ZDHHC5: variants seen among roughly 807,000 people sequenced by gnomAD.
The protein encoded by ZDHHC5 is zDHHC palmitoyltransferase 5.
ZDHHC5 carries 22 observed loss-of-function variants against 70.0 expected under a neutral mutation model. The ratio of observed to expected loss-of-function variants is 0.31; its 90% confidence interval spans 0.22 to 0.45. The LOEUF is 0.45. Ranked by LOEUF, ZDHHC5 falls within the 20% of genes least tolerant of loss-of-function variation. The pLI is 1.00. For synonymous variants in ZDHHC5, 313 were observed against 347.8 expected (o/e 0.90, Z 1.11); for missense variants, 746 against 926.9 (o/e 0.80, Z 2.53).
At chr11:57,685,801 G>A (rs1418852380) in intron 3 of ZDHHC5, among the ~76,000 whole-genome samples, 1 of 152,162 alleles carries the variant, frequency 6.6e-6, no homozygotes, top group Non-Finnish European at 1.5e-5. Context: ...GCCCAGGTGA[G>A]TGGATCACCT....
rs983176652 is a variant in ZDHHC5, at chr11:57,699,984, A to C, written c.2101A>C (p.Lys701Gln). The part of the protein sequence containing the change: ...PLSSPTRGGV[K>Q]KVSGVGGTTY... ...CAGTAGCCCCACGAGGGGAGGAGTC[A>C]AGAAGGTGTCAGGGGTTGGTGGTAC... is the stretch of plus-strand genomic sequence containing the variant. Residue 701 changes from lysine (K) to glutamine (Q), a missense_variant, in exon 12 of 12, where the codon AAG (lysine) becomes CAG (glutamine). Transcript: ENST00000287169. The C allele has an allele frequency of 5.0e-6, 8 of 1,612,312 alleles. No individual in the cohort carries two copies. Among genetic ancestry groups the C allele is most frequent in the Non-Finnish European group, 6.8e-6 (8 of 1,179,198 alleles).
intron 2 of ZDHHC5, among the ~76,000 whole-genome samples, chr11:57,676,591 T>C (rs1311556931): frequency 6.6e-6 from 1 of 152,132 alleles, no homozygotes. Flanking sequence ...AGTGAGAACG[T>C]TGACCTACAG....
At chr11:57,683,972 ATTTT>A (rs11435194) in intron 3 of ZDHHC5, among the ~76,000 whole-genome samples, 2 of 135,860 alleles carry the variant, frequency 1.5e-5, no homozygotes, top group Admixed American at 1.5e-4. Context: ...CTAATAATTA[ATTTT>A]TTTTTTTTTT....
chr11:57,696,064 C>A (rs1233159031), intron 9 of ZDHHC5, 21 bp downstream of exon 9: 4 of 1,602,574 alleles, frequency 2.5e-6, no homozygotes, highest in Non-Finnish European at 3.4e-6. Flanking sequence ...CCTTGATTTG[C>A]AAGATACTAG....
In ZDHHC5 at chr11:57,673,163, G is replaced by A. The variant is rs964246743; in HGVS notation, c.73G>A (p.Val25Met). The change falls in exon 2 of 12, where the codon GTG (valine) becomes ATG (methionine). Residue 25 changes from valine (V) to methionine (M), a missense_variant. Val to Met is a conservative substitution (Grantham distance 21). Transcript: ENST00000287169. Reference sequence around the variant, plus strand: ...GGTCTCTGCAGCCGCCATCTTCCTAGTGGGAGCTACGACACTCTTCTTTGC... The same window carrying A: ...GGTCTCTGCAGCCGCCATCTTCCTAATGGGAGCTACGACACTCTTCTTTGC... ...VPVSAAAIFLVGATTLFFAFT... is the reference protein window; with the variant it reads ...VPVSAAAIFLMGATTLFFAFT... 5.6e-6 allele frequency: 9 copies of A among 1,613,810 alleles called. No homozygotes were observed. Among genetic ancestry groups the A allele is most frequent in the Admixed American group, 1.7e-5 (1 of 59,994 alleles).
intron 4 of ZDHHC5, 100 bp downstream of exon 4, chr11:57,688,765 C>G (rs1946244073): frequency 1.5e-6 from 2 of 1,344,604 alleles, no homozygotes; most frequent in Non-Finnish European, 2.0e-6. Flanking sequence ...ATAGTCCTGT[C>G]TAACTACGTT....
intron 4 of ZDHHC5, among the ~76,000 whole-genome samples, chr11:57,689,453 C>G (rs1946252615): frequency 6.6e-6 from 1 of 151,982 alleles, no homozygotes; most frequent in Non-Finnish European, 1.5e-5. Flanking sequence ...TCTCGGCTCA[C>G]TGCATCCTCC....
At chr11:57,684,978 C>G (rs1032989855) in intron 3 of ZDHHC5, among the ~76,000 whole-genome samples, 4 of 152,034 alleles carry the variant, frequency 2.6e-5, no homozygotes, top group African/African-American at 9.7e-5. Flanking sequence ...AAAACCCTGT[C>G]TTTACTGAAA....
chr11:57,670,297 C>G (rs1945988380), intron 1 of ZDHHC5, among the ~76,000 whole-genome samples: 1 of 151,908 alleles, frequency 6.6e-6, no homozygotes, highest in Non-Finnish European at 1.5e-5. Flanking sequence ...CATGGTGAAA[C>G]CCCATCTCTA....
Position 57,699,340 on chromosome 11 carries a change from T to C in ZDHHC5, c.1904T>C (p.Met635Thr). 1.2e-6 allele frequency: 2 copies of C among 1,612,544 alleles called. No homozygotes were observed. The highest frequency in any genetic ancestry group is 1.7e-6 in the Non-Finnish European group (2 of 1,178,974). ...ACAGCCCCATACCTGGGCCGATCGATGTCTTACAGCAGCCAAAAAGCCCAA... is the reference window on the plus strand; with the variant it reads ...ACAGCCCCATACCTGGGCCGATCGACGTCTTACAGCAGCCAAAAAGCCCAA... ...GPTAPYLGRS[M>T]SYSSQKAQPG... The change falls in exon 11 of 12, where the codon ATG becomes ACG. Residue 635 changes from methionine (M) to threonine (T), a missense_variant. This residue lies in a region of ZDHHC5 where 340 missense variants were observed against 350.1 expected (regional missense o/e 0.97). Transcript: ENST00000287169.
At chr11:57,681,581 C>T (rs563987329) in intron 2 of ZDHHC5, 1 of 152,300 alleles carries the variant, frequency 6.6e-6, no homozygotes, top group East Asian at 1.9e-4. Flanking sequence ...TTGAAGCATT[C>T]CTACGTAGAT....
At chr11:57,692,384 A>ATCACTC (rs1340620156) in intron 6 of ZDHHC5, among the ~76,000 whole-genome samples, 1 of 152,158 alleles carries the variant, frequency 6.6e-6, no homozygotes, top group Non-Finnish European at 1.5e-5. Context: ...TTACATGAGG[A>ATCACTC]AACTGAGGTT....
At position 57,699,937 on chromosome 11, in the gene ZDHHC5, C is replaced by T. The variant is rs1167449742; in HGVS notation, c.2054C>T (p.Pro685Leu). The T allele has an allele frequency of 6.2e-7, 1 of 1,614,254 alleles. No individual in the cohort carries two copies. Among genetic ancestry groups the T allele is most frequent in the Non-Finnish European group, 8.5e-7 (1 of 1,180,038 alleles). Residue 685 changes from proline to leucine, a missense_variant, in exon 12 of 12, where the codon CCT becomes CTT. Pro to Leu is a moderately conservative substitution (Grantham distance 98). Around this residue, in one of 6 missense-constraint regions of ZDHHC5, gnomAD observed 340 missense variants for 350.1 expected, o/e 0.97. Transcript: ENST00000287169. ...GQPKSLGSAS[P>L]GPGQPPLSSP... ...CCCAAGAGCTTAGGCTCAGCCTCCC[C>T]TGGCCCAGGCCAGCCACCTCTCAGT...
At chr11:57,698,534 G>A (rs1207068314) in intron 10 of ZDHHC5, 25 bp from the exon 11 acceptor site, 2 of 1,565,776 alleles carry the variant, frequency 1.3e-6, no homozygotes, top group South Asian at 1.2e-5. Flanking sequence ...GGAGCACTAA[G>A]AGCCTGCTTT....
intron 3 of ZDHHC5, among the ~76,000 whole-genome samples, chr11:57,686,693 C>T (rs1473802812): frequency 6.6e-6 from 1 of 152,156 alleles, no homozygotes; most frequent in Non-Finnish European, 1.5e-5. Flanking sequence ...AAAGGCAAAA[C>T]ATTACCTATA....
chr11:57,671,964 G>A (rs1946012236), intron 1 of ZDHHC5, 57 bp from the exon 2 acceptor site: 1 of 326,998 alleles, frequency 3.1e-6, no homozygotes, highest in South Asian at 1.6e-4. Context: ...TTTTAGCCTT[G>A]GTGTCTAAGA....
chr11:57,671,742 C>G (rs1462162458), intron 1 of ZDHHC5, among the ~76,000 whole-genome samples: 6 of 152,218 alleles, frequency 3.9e-5, no homozygotes, highest in Admixed American at 3.3e-4. Flanking sequence ...TTACTACCAT[C>G]TATGTCAGGT....
chr11:57,684,332 C>T (rs997500777), intron 3 of ZDHHC5, among the ~76,000 whole-genome samples: 3 of 152,148 alleles, frequency 2.0e-5, no homozygotes, highest in Admixed American at 2.0e-4. Flanking sequence ...GCCTGTAATC[C>T]CAGCACTTTG....
chr11:57,699,485 C>T (rs775711058), intron 11 of ZDHHC5, 67 bp downstream of exon 11: 131 of 1,508,314 alleles, frequency 8.7e-5, no homozygotes, highest in Non-Finnish European at 1.1e-4. Flanking sequence ...CAAAAGCTAT[C>T]AGGGCTTCTG....
Sources: gnomAD v4.1 joint callset for allele counts (sites outside exome capture counted in the v4.1 genomes callset) on GRCh38, gnomAD v4.1.1 for gene constraint, gnomAD v4.1.1 regional missense constraint, MANE v1.5 for transcripts, NCBI Gene and HGNC (gene_info 2026-07-23, HGNC 2026-07-21) for gene names.